The following PCDH15 variants were observed in gnomAD, a reference collection of about 807,000 sequenced individuals.
The protein encoded by PCDH15 is protocadherin related 15, also known as protocadherin-15.
A neutral mutation model predicts 178.5 loss-of-function variants in PCDH15; 129 were observed. The ratio of observed to expected loss-of-function variants is 0.72; its 90% CI spans 0.63 to 0.84. The LOEUF (loss-of-function observed/expected upper bound fraction) is 0.84. Ranked by LOEUF, PCDH15 falls within the 40% of genes least tolerant of loss-of-function variation. The probability of loss-of-function intolerance (pLI) is 0.00; values close to 1 mark genes in which losing one functional copy is unlikely to be tolerated. For missense variants in PCDH15, 2,230 were observed against 2,099.9 expected (o/e 1.06, Z -1.21); for synonymous variants, 800 against 732.0 (o/e 1.09, Z -1.50).
intron 2 of PCDH15, among the ~76,000 whole-genome samples, chr10:54,938,910 T>A (rs1837981192): frequency 6.6e-6 from 1 of 152,174 alleles, no homozygotes; most frequent in Admixed American, 6.6e-5. Context: ...CAAAGGATTG[T>A]GGCTAGCATC....
At chr10:54,664,339 G>T in intron 1 of PCDH15, 49 bp from the exon 2 acceptor site, 3 of 1,163,468 alleles carry the variant, frequency 2.6e-6, no homozygotes, top group Non-Finnish European at 3.8e-6. Flanking sequence ...TCATTAATCT[G>T]TTATAGGTAA....
intron 3 of PCDH15, among the ~76,000 whole-genome samples, chr10:54,878,557 T>A (rs917343295): frequency 6.6e-6 from 1 of 152,148 alleles, no homozygotes; most frequent in African/African-American, 2.4e-5. Flanking sequence ...GTTATGAAAA[T>A]ATTCAAACTT....
exon 3 of PCDH15, chr10:54,897,482 A>C (rs1305559996): frequency 6.6e-6 from 1 of 152,234 alleles, no homozygotes. Flanking sequence ...GGTATTTCGA[A>C]ACATGACAAT....
chr10:54,741,006 TAGA>T (rs1008205393), intron 1 of PCDH15, among the ~76,000 whole-genome samples: 45 of 152,034 alleles, frequency 3.0e-4, no homozygotes, highest in African/African-American at 8.4e-4. Flanking sequence ...TAAAAATGGC[TAGA>T]AGATTTGGAA....
chr10:55,158,884 AAG>A (rs35343114), intron 2 of PCDH15, among the ~76,000 whole-genome samples: 119,274 of 150,096 alleles, frequency 0.79, 49,679 homozygotes, highest in Non-Finnish European at 0.92. Context: ...AGGGAGGGAG[AAG>A]AGAGAGAGAG....
At chr10:55,133,459 G>T (rs1838107536) in intron 2 of PCDH15, among the ~76,000 whole-genome samples, 1 of 151,880 alleles carries the variant, frequency 6.6e-6, no homozygotes, top group Non-Finnish European at 1.5e-5. Flanking sequence ...AATTTCCCAG[G>T]GTTACTCTTC....
intron 2 of PCDH15, among the ~76,000 whole-genome samples, chr10:55,535,502 A>G (rs1038466219): frequency 2.6e-5 from 4 of 152,224 alleles, no homozygotes; most frequent in South Asian, 4.1e-4. Context: ...CCAATGTACA[A>G]GACAATATTA....
intron 3 of PCDH15, among the ~76,000 whole-genome samples, chr10:54,442,643 G>T (rs928353284): frequency 6.0e-5 from 9 of 150,048 alleles, no homozygotes. Flanking sequence ...TTTAAGAAAA[G>T]AAATATTTAT....
At chr10:55,067,192 T>C (rs1841586627) in intron 2 of PCDH15, among the ~76,000 whole-genome samples, 1 of 152,012 alleles carries the variant, frequency 6.6e-6, no homozygotes, top group Admixed American at 6.6e-5. Flanking sequence ...TTATTTCTTC[T>C]ATCTAACTGT....
At chr10:55,062,013 A>G (rs1841446947) in intron 2 of PCDH15, among the ~76,000 whole-genome samples, 2 of 152,200 alleles carry the variant, frequency 1.3e-5, no homozygotes, top group Admixed American at 1.3e-4. Flanking sequence ...AGCAAGACTC[A>G]TTCTCAAAAA....
intron 13 of PCDH15, among the ~76,000 whole-genome samples, chr10:54,166,522 G>T (rs2046245947): frequency 6.6e-6 from 1 of 152,138 alleles, no homozygotes; most frequent in African/African-American, 2.4e-5. Flanking sequence ...TGTTTCCTTT[G>T]CCAAACTGGA....
At chr10:55,090,790 T>C (rs1842298025) in intron 2 of PCDH15, among the ~76,000 whole-genome samples, 1 of 152,106 alleles carries the variant, frequency 6.6e-6, no homozygotes. Flanking sequence ...GCAAAAAAGT[T>C]CTGCACTGAT....
At chr10:55,055,371 T>C (rs1000817587) in intron 2 of PCDH15, among the ~76,000 whole-genome samples, 1 of 152,190 alleles carries the variant, frequency 6.6e-6, no homozygotes, top group South Asian at 2.1e-4. Context: ...CCCTGAATGA[T>C]ATTAGTCACT....
At chr10:54,991,849 A>G (rs533689633) in intron 2 of PCDH15, among the ~76,000 whole-genome samples, 2 of 152,258 alleles carry the variant, frequency 1.3e-5, no homozygotes, top group African/African-American at 4.8e-5. Context: ...CTGAAAAGCA[A>G]CTAAGTAGGG....
intron 2 of PCDH15, among the ~76,000 whole-genome samples, chr10:55,549,408 A>G (rs1841959561): frequency 3.3e-5 from 5 of 152,160 alleles, no homozygotes; most frequent in African/African-American, 1.2e-4. Flanking sequence ...AAAAACTCCA[A>G]GATGATGGGT....
chr10:55,221,028 C>T (rs1410284029), intron 1 of PCDH15, among the ~76,000 whole-genome samples: 2 of 152,042 alleles, frequency 1.3e-5, no homozygotes. Flanking sequence ...GGCTCATCAT[C>T]AGGATATACA....
intron 11 of PCDH15, among the ~76,000 whole-genome samples, chr10:54,188,959 G>T (rs2048720692): frequency 6.6e-6 from 1 of 151,852 alleles, no homozygotes; most frequent in South Asian, 2.1e-4. Context: ...TTAATTACTT[G>T]GTAGTAGTTG....
intron 2 of PCDH15, among the ~76,000 whole-genome samples, chr10:54,531,727 G>A (rs2083946917): frequency 6.6e-6 from 1 of 152,028 alleles, no homozygotes; most frequent in Non-Finnish European, 1.5e-5. Flanking sequence ...GCCCTTATAT[G>A]TTAATAACTT....
intron 1 of PCDH15, among the ~76,000 whole-genome samples, chr10:54,787,426 T>C (rs1950989415): frequency 1.3e-5 from 2 of 152,108 alleles, no homozygotes; most frequent in African/African-American, 4.8e-5. Flanking sequence ...TTTTTACATA[T>C]CATTATGTGA....
Sources: gnomAD v4.1 joint callset for allele counts (sites outside exome capture counted in the v4.1 genomes callset) on GRCh38, gnomAD v4.1.1 for gene constraint, MANE v1.5 for transcripts, NCBI Gene and HGNC (gene_info 2026-07-23, HGNC 2026-07-21) for gene names.